NME7: variants seen among roughly 807,000 people sequenced by gnomAD.
The protein encoded by NME7 is nucleoside diphosphate kinase 7.
In NME7, 41 loss-of-function variants were observed where a neutral mutation model predicts 49.1. The observed-to-expected ratio is 0.83, with a 90% CI of 0.65 to 1.08. The LOEUF is 1.08. NME7 is among the 50% of genes least tolerant of loss of function. NME7 has a pLI of 0.00. For synonymous variants in NME7, 139 were observed against 150.6 expected, an observed-to-expected ratio of 0.92 and a Z score of 0.56; for missense variants, 423 against 463.4, an observed-to-expected ratio of 0.91 and a Z score of 0.80.
At chr1:169,321,350 A>G (rs2101934684) in intron 3 of NME7, among the ~76,000 whole-genome samples, 1 of 152,278 alleles carries the variant, frequency 6.6e-6, no homozygotes, top group East Asian at 1.9e-4. Flanking sequence ...ACAGAGCCAG[A>G]CCCCACCTCA....
chr1:169,188,535 C>G (rs1660137791), intron 10 of NME7, among the ~76,000 whole-genome samples: 1 of 152,174 alleles, frequency 6.6e-6, no homozygotes, highest in African/African-American at 2.4e-5. Flanking sequence ...AAGAGCACAC[C>G]TGGCTTGGCT....
At chr1:169,278,981 G>A (rs189178861) in intron 7 of NME7, among the ~76,000 whole-genome samples, 12 of 152,264 alleles carry the variant, frequency 7.9e-5, no homozygotes, top group Admixed American at 6.5e-5. Flanking sequence ...TATCAGCAGC[G>A]GTGTCTGCAG....
chr1:169,314,265 C>CA lies in NME7; in HGVS notation c.279-4186dup, dbSNP rs539393691. ...AATCATTAGGTTCATGGAAAAAAAA[C>CA]AAAAAAAAATACACAACAAAAACAG... On this transcript the variant is annotated intron_variant, in intron 3 of 11. Coordinates refer to ENST00000367811, the MANE Select transcript of NME7 (RefSeq NM_013330.5). 3.3e-3 allele frequency among the ~76,000 whole-genome samples: 487 copies of CA among 148,344 alleles called. 1 individual carries two copies. Among genetic ancestry groups the CA allele is most frequent in the Non-Finnish European group, 5.3e-3 (351 of 66,812 alleles).
chr1:169,360,611 T>C (rs1653619176), intron 1 of NME7, among the ~76,000 whole-genome samples: 1 of 152,160 alleles, frequency 6.6e-6, no homozygotes, highest in South Asian at 2.1e-4. Context: ...CCTGTTCCTC[T>C]AATGCACCTC....
intron 1 of NME7, among the ~76,000 whole-genome samples, chr1:169,328,802 T>C (rs1652157833): frequency 6.6e-6 from 1 of 152,238 alleles, no homozygotes; most frequent in Admixed American, 6.5e-5. Context: ...TATAACACTA[T>C]CTGTTGCACA....
chr1:169,158,475 T>C (rs529779777), intron 11 of NME7, among the ~76,000 whole-genome samples: 1 of 152,314 alleles, frequency 6.6e-6, no homozygotes, highest in South Asian at 2.1e-4. Flanking sequence ...TTTTGGGCCA[T>C]GGTTGACCAT....
chr1:169,353,001 C>T (rs1653235364), intron 1 of NME7, among the ~76,000 whole-genome samples: 1 of 151,942 alleles, frequency 6.6e-6, no homozygotes, highest in South Asian at 2.1e-4. Flanking sequence ...TCAATGCAAT[C>T]ACTATCAAAA....
chr1:169,179,959 A>T (rs1659877283), intron 10 of NME7, among the ~76,000 whole-genome samples: 1 of 115,458 alleles, frequency 8.7e-6, no homozygotes, highest in Non-Finnish European at 1.8e-5. Flanking sequence ...CCCTGAACTT[A>T]AAATAAAAGT....
chr1:169,310,650 GATAC>G (rs1651346711), intron 3 of NME7: 1 of 152,332 alleles, frequency 6.6e-6, no homozygotes, highest in Non-Finnish European at 1.5e-5. Context: ...TCTCCAGGAG[GATAC>G]ATCAGAACAA....
rs1275723790 is a variant in NME7 at position 169,273,942 on chromosome 1, A to T, written c.754+13361T>A. ...AACATACGTGTGCATGTGTCTTTATAGCAGCATGATTTATAGTCCTTTAGG... is the reference window on the plus strand; with the variant it reads ...AACATACGTGTGCATGTGTCTTTATTGCAGCATGATTTATAGTCCTTTAGG... On this transcript the variant is annotated intron_variant, in intron 7 of 11. Transcript: ENST00000367811. Among the ~76,000 whole-genome samples, 37 of 131,556 alleles carry T rather than the reference A, an allele frequency of 2.8e-4. 9 individuals carry two copies. Among genetic ancestry groups the T allele is most frequent in the Non-Finnish European group, 5.5e-4 (31 of 56,228 alleles). 86.3% of individuals were successfully genotyped at this position (131,556 alleles called of 152,430 possible).
chr1:169,315,469 T>C (rs1258401459), intron 3 of NME7, among the ~76,000 whole-genome samples: 1 of 152,088 alleles, frequency 6.6e-6, no homozygotes, highest in African/African-American at 2.4e-5. Context: ...TTTCACCACA[T>C]TGGCCAGGCT....
chr1:169,329,917 G>A (rs1174928943), intron 1 of NME7, among the ~76,000 whole-genome samples: 1 of 152,010 alleles, frequency 6.6e-6, no homozygotes, highest in Non-Finnish European at 1.5e-5. Context: ...CAAAGGTCAA[G>A]GATAAAGAAA....
At chr1:169,278,734 C>T (rs1235848433) in intron 7 of NME7, among the ~76,000 whole-genome samples, 7 of 152,218 alleles carry the variant, frequency 4.6e-5, no homozygotes, top group Admixed American at 2.6e-4. Context: ...TGAGGAACTG[C>T]GTTCCTTTGG....
At chr1:169,275,933 A>C (rs1345298006) in intron 7 of NME7, among the ~76,000 whole-genome samples, 1 of 133,160 alleles carries the variant, frequency 7.5e-6, no homozygotes, top group African/African-American at 2.5e-5. Flanking sequence ...TTCTGCATCT[A>C]TTGAGATAAT....
chr1:169,132,871 A>ACTT (rs780984028), intron 11 of NME7, 54 bp from the exon 12 acceptor site: 219 of 1,510,360 alleles, frequency 1.4e-4, no homozygotes, highest in Non-Finnish European at 1.7e-4. Flanking sequence ...GGTCTTTTCC[A>ACTT]CTTAACAGAG....
chr1:169,333,099 T>C (rs1374588573), intron 1 of NME7, among the ~76,000 whole-genome samples: 2 of 152,152 alleles, frequency 1.3e-5, no homozygotes, highest in Non-Finnish European at 2.9e-5. Flanking sequence ...GTGGTACATA[T>C]ACACAATGAA....
At chr1:169,302,841 A>G (rs1426924386) in intron 5 of NME7, among the ~76,000 whole-genome samples, 1 of 152,210 alleles carries the variant, frequency 6.6e-6, no homozygotes, top group Non-Finnish European at 1.5e-5. Context: ...AATATTGAAC[A>G]TCAAATATAA....
chr1:169,172,471 G>C (rs1335095787), intron 10 of NME7, among the ~76,000 whole-genome samples: 1 of 151,936 alleles, frequency 6.6e-6, no homozygotes, highest in Non-Finnish European at 1.5e-5. Flanking sequence ...GGTAAGCAAG[G>C]GGATGATGGG....
intron 10 of NME7, among the ~76,000 whole-genome samples, chr1:169,191,915 T>G (rs1288031477): frequency 6.6e-6 from 1 of 152,158 alleles, no homozygotes; most frequent in Admixed American, 6.5e-5. Flanking sequence ...TCCAGCTGCA[T>G]CACATCACAT....
Sources: gnomAD v4.1 joint callset for allele counts (sites outside exome capture counted in the v4.1 genomes callset) on GRCh38, gnomAD v4.1.1 for gene constraint, MANE v1.5 for transcripts, NCBI Gene and HGNC (gene_info 2026-07-23, HGNC 2026-07-21) for gene names.